FHL1: variants seen among roughly 807,000 people sequenced by gnomAD.
FHL1 encodes four and a half LIM domains 1.
A neutral mutation model predicts 20.3 loss-of-function variants in FHL1; 1 was observed. The ratio of observed to expected loss-of-function variants is 0.05; its 90% CI spans 0.02 to 0.23. FHL1 has a LOEUF of 0.23. Ranked by LOEUF, FHL1 falls within the 10% of genes least tolerant of loss-of-function variation. The pLI, the probability that FHL1 is intolerant of heterozygous loss-of-function variation, is 1.00. For missense variants in FHL1, 177 were observed against 234.0 expected, an observed-to-expected ratio of 0.76 and a Z score of 1.59; for synonymous variants, 82 against 88.9, an observed-to-expected ratio of 0.92 and a Z score of 0.44.
chrX:136,185,056 C>G (rs1421459358), intron 2 of FHL1, among the ~76,000 whole-genome samples: 1 of 112,030 alleles, frequency 8.9e-6, no homozygotes, highest in Non-Finnish European at 1.9e-5. Context: ...CTGTTATTTT[C>G]ATTAATTGAA....
At chrX:136,158,958 C>T (rs1392548558) in intron 1 of FHL1, among the ~76,000 whole-genome samples, 1 of 110,342 alleles carries the variant, frequency 9.1e-6, no homozygotes, top group Non-Finnish European at 1.9e-5. Flanking sequence ...AATGAATGAA[C>T]CCTAATGTAA....
chrX:136,176,603 C>T (rs982401990), intron 2 of FHL1, among the ~76,000 whole-genome samples: 15 of 111,167 alleles, frequency 1.3e-4, no homozygotes, highest in African/African-American at 4.2e-4. Context: ...AGTGAGTGTT[C>T]GTATTTCTGT....
chrX:136,190,075 T>G (rs1393329304), intron 2 of FHL1, among the ~76,000 whole-genome samples: 1 of 112,021 alleles, frequency 8.9e-6, no homozygotes, highest in African/African-American at 3.3e-5. Flanking sequence ...ACCAGTTAGG[T>G]ACCTACTTCC....
chrX:136,205,270 G>T (rs951898505), intron 1 of FHL1, among the ~76,000 whole-genome samples: 7 of 111,667 alleles, frequency 6.3e-5, no homozygotes, highest in African/African-American at 2.3e-4. Context: ...CAGGCGTGTT[G>T]TCTAGGGCCA....
intron 1 of FHL1, among the ~76,000 whole-genome samples, chrX:136,150,488 A>G (rs931324529): frequency 2.7e-5 from 3 of 111,478 alleles, no homozygotes; most frequent in Non-Finnish European, 5.6e-5. Flanking sequence ...GCTTTTGCCT[A>G]CTGAACTTTT....
At chrX:136,207,601 C>A (rs935042663) in intron 3 of FHL1, 191 bp from the exon 4 acceptor site, 1 of 470,488 alleles carries the variant, frequency 2.1e-6, no homozygotes, top group African/African-American at 2.5e-5. Context: ...ATGCTGGGGT[C>A]CCCACCCATG....
chrX:136,146,974 T>C (rs1355629427), upstream of FHL1: 2 of 325,606 alleles, frequency 6.1e-6, no homozygotes, highest in Non-Finnish European at 1.2e-5. Flanking sequence ...CGAAACGGCG[T>C]GGGCCCCGAA....
In FHL1 at chrX:136,156,283, C is replaced by CT. The variant is rs761582275; in HGVS notation, c.-101+8671dup. Among the ~76,000 whole-genome samples, 447 of 97,559 alleles carry CT rather than the reference C, an allele frequency of 4.6e-3. 3 individuals are homozygous for CT. The highest frequency in any genetic ancestry group is 0.01 in the Middle Eastern group (2 of 197). The allele number at this position is 97,559 out of a possible 115,157, so 84.7% of individuals were successfully genotyped here. A position where few individuals can be genotyped will look rare whatever the true frequency, so the allele number is the denominator to read the frequency against. ...TGCAAGACATTAAATGTTCTATAGCCTTTTTTTTTTTTTTTTGAGACGGAG... is the reference window on the plus strand; with the variant it reads ...TGCAAGACATTAAATGTTCTATAGCCTTTTTTTTTTTTTTTTTGAGACGGAG... On this transcript the variant is annotated intron_variant, in intron 1 of 7. Transcript: ENST00000394155.
intron 1 of FHL1, among the ~76,000 whole-genome samples, chrX:136,152,132 A>G (rs1339880950): frequency 8.9e-6 from 1 of 112,151 alleles, no homozygotes; most frequent in African/African-American, 3.2e-5. Flanking sequence ...GGAGTAGGGG[A>G]AAAGGGAACC....
intron 1 of FHL1, among the ~76,000 whole-genome samples, chrX:136,154,496 A>G (rs1388518000): frequency 1.8e-5 from 2 of 112,329 alleles, no homozygotes; most frequent in Admixed American, 9.4e-5. Flanking sequence ...GTCTTTAGAC[A>G]TGGTAGCCTG....
intron 2 of FHL1, among the ~76,000 whole-genome samples, chrX:136,179,057 G>A (rs1002213501): frequency 8.9e-6 from 1 of 111,999 alleles, no homozygotes; most frequent in Non-Finnish European, 1.9e-5. Flanking sequence ...GTGCCCAGCC[G>A]ATAGGACCAT....
intron 1 of FHL1, among the ~76,000 whole-genome samples, chrX:136,160,281 C>T (rs192888256): frequency 9.0e-6 from 1 of 111,545 alleles, no homozygotes; most frequent in Non-Finnish European, 1.9e-5. Context: ...TGGGAGCCAT[C>T]ACTCAAGCAC....
At chrX:136,185,674 C>A (rs1035942369) in intron 2 of FHL1, among the ~76,000 whole-genome samples, 1 of 111,788 alleles carries the variant, frequency 8.9e-6, no homozygotes, top group Non-Finnish European at 1.9e-5. Context: ...AACAAGTGCC[C>A]GTTTCAGAAA....
At chrX:136,152,698 C>T (rs772994059) in intron 1 of FHL1, among the ~76,000 whole-genome samples, 3 of 82,373 alleles carry the variant, frequency 3.6e-5, no homozygotes, top group South Asian at 7.1e-4. Context: ...CCAGCCTGGG[C>T]GACAGAGCTA....
intron 2 of FHL1, among the ~76,000 whole-genome samples, chrX:136,184,334 A>T (rs761168313): frequency 1.3e-3 from 147 of 111,946 alleles, no homozygotes; most frequent in Non-Finnish European, 2.2e-3. Context: ...TGAGGAATGG[A>T]GGCTAAACCA....
At chrX:136,173,407 T>C (rs1251069650) in intron 2 of FHL1, among the ~76,000 whole-genome samples, 1 of 112,364 alleles carries the variant, frequency 8.9e-6, no homozygotes, top group Admixed American at 9.4e-5. Flanking sequence ...ACCTCTCTTC[T>C]TGGTGCACTA....
At chrX:136,149,712 C>T (rs1050318346) in intron 1 of FHL1, among the ~76,000 whole-genome samples, 1 of 111,320 alleles carries the variant, frequency 9.0e-6, no homozygotes, top group Non-Finnish European at 1.9e-5. Flanking sequence ...TAAAATTCCT[C>T]CTGTATAATA....
At chrX:136,186,634 G>A (rs946245472) in intron 2 of FHL1, among the ~76,000 whole-genome samples, 5 of 110,332 alleles carry the variant, frequency 4.5e-5, no homozygotes, top group Non-Finnish European at 9.5e-5. Context: ...AGACCGAGGT[G>A]GGTGGGTCAG....
chrX:136,165,456 A>T (rs1419327118), upstream of FHL1, among the ~76,000 whole-genome samples: 1 of 111,916 alleles, frequency 8.9e-6, no homozygotes, highest in Non-Finnish European at 1.9e-5. Context: ...TAAGTATTTG[A>T]ATAAAAGTGA....
Sources: gnomAD v4.1 joint callset for allele counts (sites outside exome capture counted in the v4.1 genomes callset) on GRCh38, gnomAD v4.1.1 for gene constraint, MANE v1.5 for transcripts, NCBI Gene and HGNC (gene_info 2026-07-23, HGNC 2026-07-21) for gene names.